Variants in GRID1 observed in about 807,000 individuals in gnomAD.
The protein encoded by GRID1 is glutamate receptor ionotropic, delta-1.
In GRID1, 28 loss-of-function variants were observed where a neutral mutation model predicts 98.0. The observed-to-expected ratio is 0.29, with a 90% CI of 0.21 to 0.39. The LOEUF is 0.39. Ranked by LOEUF, GRID1 falls within the 10% of genes least tolerant of loss-of-function variation. The pLI is 1.00. For missense variants in GRID1, 1,111 were observed against 1,340.5 expected, an observed-to-expected ratio of 0.83 and a Z score of 2.67; for synonymous variants, 553 against 538.5, an observed-to-expected ratio of 1.03 and a Z score of -0.37.
In GRID1 at chr10:85,920,371, G is replaced by A. The variant is rs1050675468; in HGVS notation, c.727-4132C>T. ...GATCAGTCAGCGCAAAGTTCCTCCC[G>A]TTCCTTCTACTGGAGTCTCCAGCCT... is the stretch of plus-strand genomic sequence containing the variant. On this transcript the variant is annotated intron_variant, in intron 4 of 15. Coordinates refer to ENST00000327946, the MANE Select transcript of GRID1 (RefSeq NM_017551.3). Among the ~76,000 whole-genome samples the A allele has an allele frequency of 1.7e-4, 26 of 152,170 alleles. No individual in the cohort carries two copies. In the East Asian group the frequency reaches 3.9e-3, roughly 23 times the overall value.
Position 85,642,757 on chromosome 10 carries a change from A to G in GRID1, c.2193+4445T>C, listed in dbSNP as rs1467044708. Among the ~76,000 whole-genome samples, 5 of 152,276 alleles carry G rather than the reference A, an allele frequency of 3.3e-5. No homozygotes were observed. The East Asian group carries it at 9.7e-4, about 29-fold the overall frequency. On this transcript the variant is annotated intron_variant, in intron 13 of 15. Coordinates refer to ENST00000327946, the MANE Select transcript of GRID1 (RefSeq NM_017551.3). ...TGGCCACTGGCATGGTAAATCCTTT[A>G]TTTGCATCTTTTGCTACTGATTTTT... is the stretch of plus-strand genomic sequence containing the variant.
intron 8 of GRID1, among the ~76,000 whole-genome samples, chr10:85,762,736 C>A (rs1468904295): frequency 6.6e-6 from 1 of 152,144 alleles, no homozygotes; most frequent in Non-Finnish European, 1.5e-5. Flanking sequence ...GAAGAAAGTC[C>A]CCCTGTCTTG....
chr10:85,919,435 G>T (rs931472366), intron 4 of GRID1, among the ~76,000 whole-genome samples: 1 of 152,114 alleles, frequency 6.6e-6, no homozygotes, highest in South Asian at 2.1e-4. Context: ...GGTGCCACTC[G>T]CACAGAGGCT....
At chr10:85,805,301 A>G (rs1323105727) in intron 8 of GRID1, among the ~76,000 whole-genome samples, 3 of 151,784 alleles carry the variant, frequency 2.0e-5, no homozygotes, top group African/African-American at 4.8e-5. Flanking sequence ...TTAATAAGAT[A>G]TATGCAAGGG....
At chr10:85,732,541 A>C (rs1451042232) in intron 8 of GRID1, among the ~76,000 whole-genome samples, 1 of 152,152 alleles carries the variant, frequency 6.6e-6, no homozygotes, top group Non-Finnish European at 1.5e-5. Context: ...AGGAAGAAAC[A>C]GTTGGGATGA....
intron 4 of GRID1, among the ~76,000 whole-genome samples, chr10:86,122,162 A>G (rs904026994): frequency 6.6e-6 from 1 of 152,172 alleles, no homozygotes; most frequent in East Asian, 1.9e-4. Context: ...CGTCCTTTAA[A>G]CTTTACCACA....
intron 3 of GRID1, among the ~76,000 whole-genome samples, chr10:86,187,563 A>G (rs1381324943): frequency 6.6e-6 from 1 of 152,218 alleles, no homozygotes; most frequent in East Asian, 1.9e-4. Context: ...AGGAAATGTG[A>G]GATTCCCAGG....
intron 8 of GRID1, among the ~76,000 whole-genome samples, chr10:85,843,235 A>T (rs765493400): frequency 1.3e-5 from 2 of 151,904 alleles, no homozygotes; most frequent in Non-Finnish European, 2.9e-5. Context: ...TTGGATACCT[A>T]TAGGGAAAAA....
chr10:85,751,533 C>T (rs181293565), intron 8 of GRID1, among the ~76,000 whole-genome samples: 3 of 152,224 alleles, frequency 2.0e-5, no homozygotes, highest in African/African-American at 4.8e-5. Flanking sequence ...TGGTCCCTTT[C>T]GTCACATGGA....
At chr10:85,747,211 T>A (rs1842005735) in intron 8 of GRID1, among the ~76,000 whole-genome samples, 1 of 151,946 alleles carries the variant, frequency 6.6e-6, no homozygotes, top group Admixed American at 6.6e-5. Flanking sequence ...GCCCATGGGG[T>A]TTTCCTCACA....
At chr10:85,869,753 AG>A (rs1843258648) in intron 5 of GRID1, among the ~76,000 whole-genome samples, 1 of 152,234 alleles carries the variant, frequency 6.6e-6, no homozygotes, top group South Asian at 2.1e-4. Context: ...GAAAAAAATC[AG>A]GCCCTATCCT....
chr10:86,195,858 G>A lies in GRID1; in HGVS notation c.520+10506C>T, dbSNP rs889572169. Among the ~76,000 whole-genome samples, 2 of 152,116 alleles carry A rather than the reference G, an allele frequency of 1.3e-5. No homozygotes were observed. Among genetic ancestry groups the A allele is most frequent in the African/African-American group, 4.8e-5 (2 of 41,436 alleles). ...CTGGATCAAAACCACCAGGCTTCCT[G>A]CAGTCCAGAACTAGTCACACAAGAT... On this transcript the variant is annotated intron_variant, in intron 3 of 15. Coordinates refer to ENST00000327946, the MANE Select transcript of GRID1 (RefSeq NM_017551.3). The surrounding 1 kb of genome is among the most constrained non-coding windows in gnomAD (Gnocchi z 4.4).
At chr10:86,191,351 G>A (rs1845800039) in intron 3 of GRID1, among the ~76,000 whole-genome samples, 1 of 152,164 alleles carries the variant, frequency 6.6e-6, no homozygotes, top group Admixed American at 6.5e-5. Flanking sequence ...TTCAGGCAGT[G>A]AGGTGGCTGG....
intron 8 of GRID1, among the ~76,000 whole-genome samples, chr10:85,788,931 T>C (rs527441029): frequency 6.6e-6 from 1 of 152,100 alleles, no homozygotes; most frequent in African/African-American, 2.4e-5. Context: ...GTACATGCAT[T>C]TGTATACTTA....
chr10:85,641,315 T>C, intron 13 of GRID1, among the ~76,000 whole-genome samples: 1 of 152,256 alleles, frequency 6.6e-6, no homozygotes, highest in East Asian at 1.9e-4. Context: ...CAAGTTTCTG[T>C]AATGGATATT....
chr10:85,842,204 C>T (rs1289285306), intron 8 of GRID1, among the ~76,000 whole-genome samples: 1 of 152,062 alleles, frequency 6.6e-6, no homozygotes, highest in African/African-American at 2.4e-5. Flanking sequence ...GGCCATTATC[C>T]TTAGCAGAAT....
chr10:85,764,422 C>T (rs1459444805), intron 8 of GRID1, among the ~76,000 whole-genome samples: 1 of 152,126 alleles, frequency 6.6e-6, no homozygotes, highest in African/African-American at 2.4e-5. Flanking sequence ...TCAGTGAAGC[C>T]CAAAGTGGGC....
chr10:85,945,780 G>A (rs977534322), intron 4 of GRID1, among the ~76,000 whole-genome samples: 13 of 151,982 alleles, frequency 8.6e-5, no homozygotes, highest in African/African-American at 2.2e-4. Flanking sequence ...TTTTATATAC[G>A]GATTAGAAAA....
At chr10:85,754,491 A>G (rs767595383) in intron 8 of GRID1, among the ~76,000 whole-genome samples, 90 of 152,232 alleles carry the variant, frequency 5.9e-4, no homozygotes, top group Non-Finnish European at 1.0e-3. Flanking sequence ...TCCTCTGAGC[A>G]TATGAGACTA....
Sources: allele counts gnomAD v4.1 joint callset (sites outside exome capture counted in the v4.1 genomes callset), GRCh38; gene constraint gnomAD v4.1.1; non-coding constraint Gnocchi (gnomAD v3.1); transcripts MANE v1.5; gene names NCBI Gene and HGNC (gene_info 2026-07-23, HGNC 2026-07-21).